BAZ1B: variants seen among roughly 807,000 people sequenced by gnomAD.
BAZ1B encodes the protein tyrosine-protein kinase BAZ1B.
BAZ1B carries 22 observed loss-of-function variants against 153.8 expected under a neutral mutation model. The observed-to-expected ratio is 0.14, with a 90% confidence interval of 0.10 to 0.20. BAZ1B has a LOEUF of 0.20. Ranked by LOEUF, BAZ1B falls within the 10% of genes least tolerant of loss-of-function variation. BAZ1B has a pLI of 1.00. For missense variants in BAZ1B, 1,325 were observed against 1,799.3 expected (o/e 0.74, Z 4.77); for synonymous variants, 676 against 633.4 (o/e 1.07, Z -1.01).
At position 73,444,112 on chromosome 7, in the gene BAZ1B, T is replaced by C. The variant is rs1787735496; in HGVS notation, c.3862A>G (p.Ile1288Val). 2 of 1,604,656 alleles carry C rather than the reference T, an allele frequency of 1.2e-6. No individual in the cohort carries two copies. Among genetic ancestry groups the C allele is most frequent in the African/African-American group, 2.7e-5 (2 of 74,372 alleles). The change falls in exon 17 of 20, where the codon ATC becomes GTC. Residue 1288 changes from isoleucine (I) to valine (V), a missense_variant. Coordinates refer to ENST00000339594, the MANE Select transcript of BAZ1B (RefSeq NM_032408.4). The part of the protein sequence containing the change: ...AGLRLRPRKT[I>V]RGKHSVIPPA... Reference sequence around the variant, plus strand: ...GGGATGACGCTGTGCTTGCCCCGGATGGTCTTTCGAGGTCTCACTGAAAGA... The same window carrying C: ...GGGATGACGCTGTGCTTGCCCCGGACGGTCTTTCGAGGTCTCACTGAAAGA...
chr7:73,500,873 A>C (rs1790100502), intron 3 of BAZ1B, among the ~76,000 whole-genome samples: 1 of 151,492 alleles, frequency 6.6e-6, no homozygotes, highest in African/African-American at 2.4e-5. Flanking sequence ...CCTGGGCAAC[A>C]AGCAAAACTC....
chr7:73,498,755 T>C, intron 3 of BAZ1B, 57 bp from the exon 4 acceptor site: 1 of 1,479,236 alleles, frequency 6.8e-7, no homozygotes, highest in South Asian at 1.1e-5. Context: ...AACCTGAAGA[T>C]GTTTAGAACA....
chr7:73,444,160 A>C, intron 16 of BAZ1B, 31 bp from the exon 17 acceptor site: 1 of 1,559,796 alleles, frequency 6.4e-7, no homozygotes, highest in Non-Finnish European at 8.7e-7. Flanking sequence ...TCAGCAGAGA[A>C]CAACGGAAGG....
intron 6 of BAZ1B, among the ~76,000 whole-genome samples, chr7:73,483,786 C>T (rs1293291557): frequency 3.3e-5 from 5 of 152,082 alleles, no homozygotes; most frequent in African/African-American, 1.2e-4. Flanking sequence ...GGACTAGAGG[C>T]ACACGCCACC....
At chr7:73,475,122 C>T (rs1788949443) in intron 7 of BAZ1B, among the ~76,000 whole-genome samples, 1 of 152,186 alleles carries the variant, frequency 6.6e-6, no homozygotes, top group Non-Finnish European at 1.5e-5. Flanking sequence ...TAATTCACTG[C>T]TGGTGGGCAT....
chr7:73,467,973 T>A (rs1788659567), intron 9 of BAZ1B, among the ~76,000 whole-genome samples: 1 of 152,226 alleles, frequency 6.6e-6, no homozygotes, highest in Admixed American at 6.5e-5. Flanking sequence ...ACACCTTAAA[T>A]CTGAAGTTTT....
At chr7:73,452,918 AAACAAAACCCAGG>A (rs1436569869) in intron 13 of BAZ1B, among the ~76,000 whole-genome samples, 1 of 152,196 alleles carries the variant, frequency 6.6e-6, no homozygotes, top group African/African-American at 2.4e-5. Flanking sequence ...GTAAACAATC[AAACAAAACCCAGG>A]ATTTTGCCAA....
rs1278849072 is a variant in BAZ1B at position 73,442,460 on chromosome 7, C to G, written c.4188G>C (p.Gly1396=). 2.5e-6 allele frequency: 4 copies of G among 1,614,112 alleles called. No individual in the cohort carries two copies. Among genetic ancestry groups the G allele is most frequent in the Non-Finnish European group, 3.4e-6 (4 of 1,180,054 alleles). ...GAAACTCCTGCACAGAGCGGTAGCT[C>G]CCACAGGAACATTTGTTCTGCACTG... ...FQTVQNKCSC[G]SYRSVQEFLT... is the part of the protein sequence containing the mutation. The change falls in exon 19 of 20, where the codon GGG becomes GGC. Residue 1396 remains glycine (G), a synonymous_variant. Coordinates refer to ENST00000339594, the MANE Select transcript of BAZ1B (RefSeq NM_032408.4).
chr7:73,470,091 G>T (rs1487261757), intron 8 of BAZ1B, among the ~76,000 whole-genome samples: 5 of 152,134 alleles, frequency 3.3e-5, no homozygotes, highest in Non-Finnish European at 5.9e-5. Flanking sequence ...TAAAGACTTG[G>T]ATTACATTTC....
chr7:73,498,730 T>C, intron 3 of BAZ1B, 32 bp from the exon 4 acceptor site: 2 of 1,590,330 alleles, frequency 1.3e-6, no homozygotes, highest in South Asian at 1.1e-5. Context: ...AAATCAGAGA[T>C]AATAAACACC....
At chr7:73,518,408 G>T (rs561933744) in intron 1 of BAZ1B, among the ~76,000 whole-genome samples, 1 of 149,966 alleles carries the variant, frequency 6.7e-6, no homozygotes, top group Non-Finnish European at 1.5e-5. Context: ...GCGAGACTCC[G>T]TCTCAAAAAA....
intron 6 of BAZ1B, among the ~76,000 whole-genome samples, chr7:73,480,278 T>A (rs1214476396): frequency 6.6e-6 from 1 of 151,998 alleles, no homozygotes; most frequent in African/African-American, 2.4e-5. Flanking sequence ...GTTCCCACTC[T>A]CCTGATACAC....
At chr7:73,499,519 T>C (rs990997740) in intron 3 of BAZ1B, among the ~76,000 whole-genome samples, 4 of 152,144 alleles carry the variant, frequency 2.6e-5, no homozygotes, top group African/African-American at 7.2e-5. Flanking sequence ...CTGGGCAATA[T>C]AGGGAGACCC....
chr7:73,466,793 G>T (rs1788605694), intron 9 of BAZ1B, among the ~76,000 whole-genome samples: 1 of 152,194 alleles, frequency 6.6e-6, no homozygotes, highest in Admixed American at 6.5e-5. Context: ...TATCCTTGGA[G>T]GCTTCAAGTG....
At chr7:73,462,782 G>T in intron 12 of BAZ1B, 140 bp downstream of exon 12, 1 of 911,876 alleles carries the variant, frequency 1.1e-6, no homozygotes, top group Admixed American at 2.5e-5. Context: ...GGTATTTTTG[G>T]TTCCATACAT....
intron 14 of BAZ1B, 101 bp from the exon 15 acceptor site, chr7:73,449,790 G>A: frequency 1.5e-6 from 2 of 1,297,822 alleles, no homozygotes; most frequent in Non-Finnish European, 1.0e-6. Context: ...CACACGAGGA[G>A]ACATGTTCCA....
Position 73,440,927 on chromosome 7 carries a change from T to A in BAZ1B, c.*782A>T, listed in dbSNP as rs1787588853. On this transcript the variant is annotated 3_prime_UTR_variant, in exon 20 of 20. Coordinates refer to ENST00000339594, the MANE Select transcript of BAZ1B (RefSeq NM_032408.4). ...AAAAGGGAAAGAAGACTACAAAGTT[T>A]TGCCTAAATATAACAACTAGAGCTA... is the stretch of plus-strand genomic sequence containing the variant. The A allele has an allele frequency of 6.6e-6, 1 of 152,650 alleles. No individual in the cohort carries two copies. The allele number at this position is 152,650 out of a possible 1,614,324, so 9.5% of individuals were successfully genotyped here. A position where few individuals can be genotyped will look rare whatever the true frequency, so the allele number is the denominator to read the frequency against.
intron 7 of BAZ1B, among the ~76,000 whole-genome samples, chr7:73,471,629 T>G (rs1788806609): frequency 1.3e-5 from 2 of 152,158 alleles, no homozygotes; most frequent in Admixed American, 6.5e-5. Flanking sequence ...GGATTAGAGA[T>G]GTGAGCCACT....
chr7:73,485,480 G>C (rs1356115312), intron 6 of BAZ1B, among the ~76,000 whole-genome samples: 3 of 152,010 alleles, frequency 2.0e-5, no homozygotes, highest in Non-Finnish European at 4.4e-5. Context: ...ACAAAAATCA[G>C]TTGGGCATGG....
Sources: allele counts gnomAD v4.1 joint callset (sites outside exome capture counted in the v4.1 genomes callset), GRCh38; gene constraint gnomAD v4.1.1; transcripts MANE v1.5; gene names NCBI Gene and HGNC (gene_info 2026-07-23, HGNC 2026-07-21).